The following CECR2 variants were observed in gnomAD, a reference collection of about 807,000 sequenced individuals.
The protein encoded by CECR2 is CECR2 histone acetyl-lysine reader.
In CECR2, 30 loss-of-function variants were observed where a neutral mutation model predicts 154.5. The ratio of observed to expected loss-of-function variants is 0.19; its 90% confidence interval spans 0.15 to 0.26. CECR2 has a LOEUF of 0.26. Among genes scored for constraint, CECR2 ranks in the 10% least tolerant of loss-of-function variants. The probability of loss-of-function intolerance (pLI) is 1.00; values close to 1 mark genes in which losing one functional copy is unlikely to be tolerated. For synonymous variants in CECR2, 725 were observed against 683.7 expected, an observed-to-expected ratio of 1.06 and a Z score of -0.94; for missense variants, 1,743 against 1,829.3, an observed-to-expected ratio of 0.95 and a Z score of 0.86.
intron 7 of CECR2, among the ~76,000 whole-genome samples, chr22:17,509,600 T>G (rs568580536): frequency 1.3e-5 from 2 of 152,112 alleles, no homozygotes; most frequent in African/African-American, 4.8e-5. Context: ...AGTTAATTTT[T>G]TAATTTTTTG....
intron 1 of CECR2, among the ~76,000 whole-genome samples, chr22:17,443,472 G>T (rs978518478): frequency 3.3e-5 from 5 of 152,162 alleles, no homozygotes; most frequent in African/African-American, 1.2e-4. Context: ...AGGGCAGATG[G>T]TGGAAAGGCA....
At chr22:17,367,075 A>G (rs2063005947), upstream of CECR2, among the ~76,000 whole-genome samples, 1 of 152,216 alleles carries the variant, frequency 6.6e-6, no homozygotes, top group Non-Finnish European at 1.5e-5. Flanking sequence ...CGGATCTCCG[A>G]GCAGCACCAG....
intron 1 of CECR2, among the ~76,000 whole-genome samples, chr22:17,383,836 C>CTT (rs1180082779): frequency 7.3e-5 from 11 of 151,334 alleles, no homozygotes; most frequent in African/African-American, 2.4e-4. Flanking sequence ...GGCTAATTTT[C>CTT]TTTTTTTTGG....
At chr22:17,368,631 G>A (rs920528291), upstream of CECR2, among the ~76,000 whole-genome samples, 4 of 152,122 alleles carry the variant, frequency 2.6e-5, no homozygotes, top group Admixed American at 1.3e-4. Flanking sequence ...TCCCCTCCGA[G>A]CACAGTCCCC....
At chr22:17,378,790 A>G (rs557000206) in intron 1 of CECR2, among the ~76,000 whole-genome samples, 1 of 152,314 alleles carries the variant, frequency 6.6e-6, no homozygotes, top group South Asian at 2.1e-4. Flanking sequence ...GGTACACCCT[A>G]TGTGAGATAG....
chr22:17,386,777 A>G (rs1204718471), intron 1 of CECR2, among the ~76,000 whole-genome samples: 2 of 151,916 alleles, frequency 1.3e-5, no homozygotes, highest in African/African-American at 4.8e-5. Context: ...CAGCCTCCCA[A>G]GTAGCTGGGA....
chr22:17,479,111 TATAAAC>T (rs775910573), intron 2 of CECR2, among the ~76,000 whole-genome samples: 5 of 152,252 alleles, frequency 3.3e-5, no homozygotes, highest in South Asian at 2.1e-4. Context: ...TTTTAGCTGT[TATAAAC>T]ATATATAATG....
chr22:17,461,526 C>T (rs1010635838), intron 1 of CECR2, among the ~76,000 whole-genome samples: 5 of 152,268 alleles, frequency 3.3e-5, no homozygotes, highest in African/African-American at 1.2e-4. Flanking sequence ...GGCACTTTCT[C>T]CTGAAACTCC....
chr22:17,380,179 T>C (rs977017370), intron 1 of CECR2, among the ~76,000 whole-genome samples: 19 of 152,108 alleles, frequency 1.2e-4, no homozygotes, highest in African/African-American at 3.9e-4. Flanking sequence ...ATCCGAGAAT[T>C]TGTGTAAATA....
intron 7 of CECR2, among the ~76,000 whole-genome samples, chr22:17,511,531 T>C (rs2055952694): frequency 6.6e-6 from 1 of 152,178 alleles, no homozygotes; most frequent in Non-Finnish European, 1.5e-5. Context: ...TTTTTTTTTT[T>C]TTTACTGTTT....
chr22:17,531,459 C>T (rs948428908), intron 9 of CECR2, among the ~76,000 whole-genome samples: 5 of 152,172 alleles, frequency 3.3e-5, no homozygotes, highest in African/African-American at 1.2e-4. Context: ...AATATAAAAC[C>T]AGCAGAGAAG....
intron 1 of CECR2, among the ~76,000 whole-genome samples, chr22:17,446,509 G>A (rs2054665703): frequency 6.6e-6 from 1 of 152,010 alleles, no homozygotes; most frequent in African/African-American, 2.4e-5. Context: ...CGAGGTCAGG[G>A]GATCGAGACC....
chr22:17,455,581 C>T (rs1460888449), intron 1 of CECR2, among the ~76,000 whole-genome samples: 1 of 152,158 alleles, frequency 6.6e-6, no homozygotes, highest in Non-Finnish European at 1.5e-5. Context: ...GTATGGTGTA[C>T]GCAACTTGGC....
intron 1 of CECR2, among the ~76,000 whole-genome samples, chr22:17,426,656 C>A (rs2054335951): frequency 6.6e-6 from 1 of 152,206 alleles, no homozygotes; most frequent in South Asian, 2.1e-4. Context: ...TATGCCCGGC[C>A]TAAATATTTT....
chr22:17,544,879 G>A (rs1455788727), intron 16 of CECR2, among the ~76,000 whole-genome samples: 1 of 151,462 alleles, frequency 6.6e-6, no homozygotes, highest in Non-Finnish European at 1.5e-5. Flanking sequence ...GCTGAGGTGG[G>A]AGGATCACCT....
At chr22:17,521,350 CT>C (rs1879114737) in intron 8 of CECR2, among the ~76,000 whole-genome samples, 1 of 152,102 alleles carries the variant, frequency 6.6e-6, no homozygotes, top group Non-Finnish European at 1.5e-5. Context: ...ACCATCCTGG[CT>C]AACACAGTGA....
rs1386344140 is a variant in CECR2 at position 17,557,165 on chromosome 22, T to G, written c.*4325T>G. The G allele has an allele frequency of 6.9e-6, 1 of 145,550 alleles. No homozygotes were observed. The highest frequency in any genetic ancestry group is 1.5e-5 in the Non-Finnish European group (1 of 67,336). 9.0% of individuals were successfully genotyped at this position (145,550 alleles called of 1,614,324 possible). A position where few individuals can be genotyped will look rare whatever the true frequency, so the allele number is the denominator to read the frequency against. ...CTTTTCTTTTTTTTTTTTTTTTTTT[T>G]GAGACGAAATCTTGCTCTTGTCCCC... On this transcript the variant is annotated 3_prime_UTR_variant, in exon 19 of 19. Coordinates refer to ENST00000262608, the MANE Select transcript of CECR2 (RefSeq NM_001290047.2).
intron 1 of CECR2, among the ~76,000 whole-genome samples, chr22:17,460,971 C>T (rs952611574): frequency 6.6e-6 from 1 of 152,208 alleles, no homozygotes; most frequent in Non-Finnish European, 1.5e-5. Flanking sequence ...CTTAGCTGGC[C>T]TTTAGTTCCA....
At chr22:17,414,270 C>G (rs1043022570) in intron 1 of CECR2, among the ~76,000 whole-genome samples, 3 of 152,188 alleles carry the variant, frequency 2.0e-5, no homozygotes, top group African/African-American at 7.2e-5. Context: ...CTGCGCCCGG[C>G]GGAAGGAGGA....
Sources: gnomAD v4.1 joint callset for allele counts (sites outside exome capture counted in the v4.1 genomes callset) on GRCh38, gnomAD v4.1.1 for gene constraint, MANE v1.5 for transcripts, NCBI Gene and HGNC (gene_info 2026-07-23, HGNC 2026-07-21) for gene names.